The following COLGALT1 variants were observed in gnomAD, a reference collection of about 807,000 sequenced individuals.
COLGALT1 encodes the protein collagen beta(1-O)galactosyltransferase 1, also known as procollagen galactosyltransferase 1.
In COLGALT1, 43 loss-of-function variants were observed where a neutral mutation model predicts 60.8. That is an observed-to-expected ratio of 0.71 (90% CI 0.55 to 0.91). The LOEUF is 0.91. COLGALT1 is among the 40% of genes least tolerant of loss of function. COLGALT1 has a pLI of 0.00. For missense variants in COLGALT1, 845 were observed against 880.0 expected, an observed-to-expected ratio of 0.96 and a Z score of 0.50; for synonymous variants, 369 against 374.2, an observed-to-expected ratio of 0.99 and a Z score of 0.16.
At chr19:17,581,144 T>C in intron 11 of COLGALT1, 33 bp from the exon 12 acceptor site, 1 of 1,596,742 alleles carries the variant, frequency 6.3e-7, no homozygotes, top group Non-Finnish European at 8.5e-7. Flanking sequence ...CTGAAGCCAT[T>C]GCTGCCCCTC....
At chr19:17,573,936 T>A (rs1158463566) in intron 6 of COLGALT1, among the ~76,000 whole-genome samples, 1 of 151,952 alleles carries the variant, frequency 6.6e-6, no homozygotes, top group Non-Finnish European at 1.5e-5. Context: ...GAGCCAAGAT[T>A]GCTTCACTGC....
intron 1 of COLGALT1, among the ~76,000 whole-genome samples, chr19:17,556,231 AC>A (rs1340025105): frequency 6.6e-6 from 1 of 152,110 alleles, no homozygotes; most frequent in African/African-American, 2.4e-5. Context: ...CACAAGCGGG[AC>A]CGAGTTCCTC....
At position 17,581,338 on chromosome 19, in the gene COLGALT1, G is replaced by A. The variant is rs539028568; in HGVS notation, c.1763G>A (p.Arg588His). The A allele has an allele frequency of 9.3e-6, 15 of 1,613,378 alleles. No homozygotes were observed. The highest frequency in any genetic ancestry group is 3.3e-5 in the South Asian group (3 of 91,058). The change falls in exon 12 of 12, where the codon CGC becomes CAC. Residue 588 changes from arginine (R) to histidine (H), a missense_variant. Transcript: ENST00000252599. ...NNEHVKTDWDRAKSQKMREQQ... is the reference protein window; with the variant it reads ...NNEHVKTDWDHAKSQKMREQQ... Reference sequence around the variant, plus strand: ...GAGCACGTCAAGACCGACTGGGACCGCGCCAAGTCCCAGAAGATGCGGGAG... The same window carrying A: ...GAGCACGTCAAGACCGACTGGGACCACGCCAAGTCCCAGAAGATGCGGGAG...
rs2076356058 is a variant in COLGALT1, at chr19:17,578,097, C to T, written c.1266+8C>T. On this transcript the variant is annotated splice_region_variant and intron_variant, in intron 9 of 11. Coordinates refer to ENST00000252599, the MANE Select transcript of COLGALT1 (RefSeq NM_024656.4). ...TACAACATCTGGAAGGAGGTGTGTC[C>T]TGAGTGATGGGCGGGGCCAGAGTTA... 5 of 1,594,126 alleles carry T rather than the reference C, an allele frequency of 3.1e-6. No homozygotes were observed. The highest frequency in any genetic ancestry group is 1.7e-4 in the Middle Eastern group (1 of 5,892).
At chr19:17,573,398 G>A (rs1214536698) in intron 6 of COLGALT1, among the ~76,000 whole-genome samples, 2 of 152,102 alleles carry the variant, frequency 1.3e-5, no homozygotes, top group African/African-American at 4.8e-5. Flanking sequence ...GTGTGGTAGC[G>A]AATGCCTATA....
chr19:17,569,817 C>T (rs756880669), intron 5 of COLGALT1, among the ~76,000 whole-genome samples: 70 of 150,778 alleles, frequency 4.6e-4, no homozygotes, highest in African/African-American at 1.4e-3. Flanking sequence ...AGCACAGCCT[C>T]ATGTTGACTT....
chr19:17,560,275 C>G (rs117971255), intron 2 of COLGALT1, 73 bp from the exon 3 acceptor site: 32,132 of 1,254,296 alleles, frequency 0.026, 506 homozygotes, highest in East Asian at 0.051. Context: ...CTGAGTACCC[C>G]GAAGGCAGCT....
rs369535150 is a variant in COLGALT1, at chr19:17,581,494, G to C, written c.*50G>C. ...CAGCCATCGGTGGCCCAGGCTCCAC[G>C]TGCTTACTGAGGACATCAGGTCCAC... On this transcript the variant is annotated 3_prime_UTR_variant, in exon 12 of 12. Transcript: ENST00000252599. The C allele has an allele frequency of 3.8e-6, 6 of 1,569,496 alleles. No individual in the cohort carries two copies. The highest frequency in any genetic ancestry group is 1.7e-5 in the Admixed American group (1 of 57,308).
chr19:17,564,413 C>CTTTTTT (rs71162155), intron 3 of COLGALT1, among the ~76,000 whole-genome samples: 1 of 104,190 alleles, frequency 9.6e-6, no homozygotes, highest in Admixed American at 1.1e-4. Context: ...AAAACATCTA[C>CTTTTTT]TTTTTTTTTT....
In COLGALT1 at chr19:17,581,613, A is replaced by T; in HGVS notation, c.*169A>T. 1 of 868,642 alleles carries T rather than the reference A, an allele frequency of 1.2e-6. No individual in the cohort carries two copies. The highest frequency in any genetic ancestry group is 1.8e-5 in the South Asian group (1 of 56,016). 53.8% of individuals were successfully genotyped at this position (868,642 alleles called of 1,614,324 possible). ...AATCACGTGCACACAGGCAGCATTAATGGAGTGCCTACTGCATGCCAGCAA... is the reference window on the plus strand; with the variant it reads ...AATCACGTGCACACAGGCAGCATTATTGGAGTGCCTACTGCATGCCAGCAA... On this transcript the variant is annotated 3_prime_UTR_variant, in exon 12 of 12. Transcript: ENST00000252599.
chr19:17,577,952 T>G lies in COLGALT1; in HGVS notation c.1134-5T>G, dbSNP rs908444567. 6.2e-7 allele frequency: 1 copy of G among 1,606,460 alleles called. No homozygotes were observed. The highest frequency in any genetic ancestry group is 1.3e-5 in the African/African-American group (1 of 74,748). On this transcript the variant is annotated splice_polypyrimidine_tract_variant and splice_region_variant and intron_variant, in intron 8 of 11. Transcript: ENST00000252599. ...TCTTCGTGACCCTCTCCTCCTCCTC[T>G]CCAGAGCCATGAACACCAGCCAGGT...
rs145145339 is a variant in COLGALT1 at position 17,579,598 on chromosome 19, C to T, written c.1383C>T (p.Asp461=). 3 of 1,446,910 alleles carry T rather than the reference C, an allele frequency of 2.1e-6. No individual in the cohort carries two copies. The highest frequency in any genetic ancestry group is 3.2e-5 in the East Asian group (1 of 31,142). The allele number at this position is 1,446,910 out of a possible 1,614,324, so 89.6% of individuals were successfully genotyped here. A position where few individuals can be genotyped will look rare whatever the true frequency, so the allele number is the denominator to read the frequency against. The change falls in exon 10 of 12, where the codon GAC becomes GAT. Residue 461 remains aspartate, a synonymous_variant. Transcript: ENST00000252599. ...LMRDVEREGL[D]WDLIYVGRKR... ...GGGATGTGGAGCGGGAGGGCCTGGA[C>T]TGGGACCTCATGTGAGTGGGGGTCT...
intron 2 of COLGALT1, among the ~76,000 whole-genome samples, chr19:17,560,045 C>T (rs1407215197): frequency 2.6e-5 from 4 of 152,214 alleles, no homozygotes; most frequent in African/African-American, 9.7e-5. Flanking sequence ...CCACCTCTGC[C>T]TCCCAAAGTG....
At chr19:17,567,585 G>C (rs948069319) in intron 4 of COLGALT1, 45 bp downstream of exon 4, 1 of 1,589,772 alleles carries the variant, frequency 6.3e-7, no homozygotes, top group Non-Finnish European at 8.6e-7. Flanking sequence ...CTGAGCAGGG[G>C]GGTGCCGTGG....
chr19:17,563,187 C>CTTTTTTTTT (rs954111271), intron 3 of COLGALT1, among the ~76,000 whole-genome samples: 1 of 117,538 alleles, frequency 8.5e-6, no homozygotes, highest in Non-Finnish European at 1.7e-5. Context: ...TTTCGTGTTT[C>CTTTTTTTTT]TTTTTTTTTT....
chr19:17,572,336 G>T (rs1451011246), intron 5 of COLGALT1, 147 bp from the exon 6 acceptor site: 1 of 1,122,102 alleles, frequency 8.9e-7, no homozygotes, highest in Non-Finnish European at 1.3e-6. Context: ...TAGATATAAG[G>T]TCTTGCTCTG....
intron 4 of COLGALT1, 149 bp downstream of exon 4, chr19:17,567,689 A>C (rs1281154843): frequency 1.2e-6 from 1 of 850,288 alleles, no homozygotes; most frequent in African/African-American, 1.7e-5. Context: ...CTGTAACCCC[A>C]GCACTTTGGG....
intron 5 of COLGALT1, among the ~76,000 whole-genome samples, chr19:17,569,089 C>T (rs973897441): frequency 2.6e-5 from 4 of 151,882 alleles, no homozygotes; most frequent in Admixed American, 6.6e-5. Context: ...ATTAGCCGGA[C>T]GTGGTGGTGC....
In COLGALT1 at chr19:17,581,445, G is replaced by T; in HGVS notation, c.*1G>T. On this transcript the variant is annotated 3_prime_UTR_variant, in exon 12 of 12. Transcript: ENST00000252599. The stretch of plus-strand genomic sequence containing the variant: ...CAGTGCTGCCCGGGATGAACTCTGA[G>T]GGGTAGCAGCCAGAAAGCCAAAGCA... 6.2e-7 allele frequency: 1 copy of T among 1,603,970 alleles called. No individual in the cohort carries two copies. The highest frequency in any genetic ancestry group is 8.5e-7 in the Non-Finnish European group (1 of 1,177,510).
Sources: allele counts gnomAD v4.1 joint callset (sites outside exome capture counted in the v4.1 genomes callset), GRCh38; gene constraint gnomAD v4.1.1; transcripts MANE v1.5; gene names NCBI Gene and HGNC (gene_info 2026-07-23, HGNC 2026-07-21).